ZNF736: variants seen among roughly 807,000 people sequenced by gnomAD.
The protein encoded by ZNF736 is KRAB-containing zinc-finger repressor protein.
In ZNF736, 6 loss-of-function variants were observed where a neutral mutation model predicts 11.7. The ratio of observed to expected loss-of-function variants is 0.51; its 90% CI spans 0.28 to 1.01. The LOEUF is 1.01. Ranked by LOEUF, ZNF736 falls within the 50% of genes least tolerant of loss-of-function variation. The pLI is 0.09. For synonymous variants in ZNF736, 139 were observed against 164.7 expected (o/e 0.84, Z 1.19); for missense variants, 444 against 496.0 (o/e 0.90, Z 1.00).
chr7:64,340,132 A>G (rs118170951), intron 3 of ZNF736, among the ~76,000 whole-genome samples: 8 of 152,276 alleles, frequency 5.3e-5, no homozygotes, highest in Non-Finnish European at 1.2e-4. Flanking sequence ...TACGGCTGGT[A>G]TATGGTGTGC....
rs369652072 is a variant in ZNF736 at position 64,314,722 on chromosome 7, G to A, written c.3+569G>A. Among the ~76,000 whole-genome samples the A allele has an allele frequency of 3.3e-5, 5 of 152,140 alleles. No individual in the cohort carries two copies. The East Asian group carries it at 7.8e-4, about 24-fold the overall frequency. ...TAGGACTAGAGGGGTGCGCCACCACGCCTATTTTGTTTTGTTTGTTTTTGT... is the reference window on the plus strand; with the variant it reads ...TAGGACTAGAGGGGTGCGCCACCACACCTATTTTGTTTTGTTTGTTTTTGT... On this transcript the variant is annotated intron_variant, in intron 1 of 3. Transcript: ENST00000423484.
At chr7:64,330,783 G>T (rs1241550890) in intron 1 of ZNF736, among the ~76,000 whole-genome samples, 4 of 151,162 alleles carry the variant, frequency 2.6e-5, no homozygotes, top group Non-Finnish European at 5.9e-5. Flanking sequence ...GCCAGAACTG[G>T]TACCTTCCCT....
rs1277217759 is a variant in ZNF736, at chr7:64,352,988, G to A, written c.*3841G>A. On this transcript the variant is annotated 3_prime_UTR_variant, in exon 4 of 4. Coordinates refer to ENST00000423484, the MANE Select transcript of ZNF736 (RefSeq NM_001170905.3). ...CCTCTTTCCTATGGGTATGTTCAGG[G>A]GTGTAACCTGCTTTGCTCGAGTTGC... 1 of 152,380 alleles carries A rather than the reference G, an allele frequency of 6.6e-6. No homozygotes were observed. The allele number at this position is 152,380 out of a possible 1,614,324, so 9.4% of individuals were successfully genotyped here.
chr7:64,330,257 C>G (rs368482471), intron 1 of ZNF736, among the ~76,000 whole-genome samples: 2 of 152,124 alleles, frequency 1.3e-5, no homozygotes, highest in Admixed American at 1.3e-4. Context: ...CCCGGGTTCC[C>G]GCCATTCTCC....
intron 3 of ZNF736, among the ~76,000 whole-genome samples, chr7:64,344,150 A>C (rs907365883): frequency 2.0e-5 from 3 of 152,054 alleles, no homozygotes; most frequent in Non-Finnish European, 2.9e-5. Context: ...TAAAAATATA[A>C]AATTAGCCAA....
Position 64,348,988 on chromosome 7 carries a change from CA to C in ZNF736, c.1129del (p.Thr377ProfsTer8). 6.3e-7 allele frequency: 1 copy of C among 1,589,876 alleles called. No individual in the cohort carries two copies. The highest frequency in any genetic ancestry group is 8.6e-7 in the Non-Finnish European group (1 of 1,167,508). On this transcript the variant is annotated frameshift_variant, in exon 4 of 4. Transcript: ENST00000423484. LOFTEE classifies it low-confidence loss of function (END_TRUNC). ...ERPYKCEECS[K>X]TFKCFSDLTN... ...GACCTTACAAATGTGAAGAATGCAGCAAAACCTTTAAGTGCTTCTCAGACCT... is the reference window on the plus strand; with the variant it reads ...GACCTTACAAATGTGAAGAATGCAGCAAACCTTTAAGTGCTTCTCAGACCT...
At position 64,355,257 on chromosome 7, in the gene ZNF736, G is replaced by A. The variant is rs1363411558; in HGVS notation, c.*6110G>A. The A allele has an allele frequency of 2.9e-5, 5 of 171,476 alleles. No individual in the cohort carries two copies. Among genetic ancestry groups the A allele is most frequent in the South Asian group, 3.4e-4 (2 of 5,826 alleles). The allele number at this position is 171,476 out of a possible 1,614,324, so 10.6% of individuals were successfully genotyped here. A position where few individuals can be genotyped will look rare whatever the true frequency, so the allele number is the denominator to read the frequency against. ...GTTAAGAGTATGCACCACAGGTATC[G>A]AAACCTAAAATGCCCTGAACTCTTT... On this transcript the variant is annotated 3_prime_UTR_variant, in exon 4 of 4. Coordinates refer to ENST00000423484, the MANE Select transcript of ZNF736 (RefSeq NM_001170905.3).
At chr7:64,343,376 A>G (rs1405769611) in intron 3 of ZNF736, among the ~76,000 whole-genome samples, 1 of 152,230 alleles carries the variant, frequency 6.6e-6, no homozygotes, top group Non-Finnish European at 1.5e-5. Context: ...ACAAGGATAT[A>G]AAAATGAAAA....
At chr7:64,343,351 C>G (rs930503546) in intron 3 of ZNF736, among the ~76,000 whole-genome samples, 2 of 152,018 alleles carry the variant, frequency 1.3e-5, no homozygotes, top group African/African-American at 4.8e-5. Flanking sequence ...CAAGTGAGAG[C>G]TAAATATTGA....
In ZNF736 at chr7:64,349,053, A is replaced by G. The variant is rs754129331; in HGVS notation, c.1190A>G (p.Tyr397Cys). The G allele has an allele frequency of 2.4e-5, 38 of 1,606,326 alleles. No individual in the cohort carries two copies. Among genetic ancestry groups the G allele is most frequent in the Non-Finnish European group, 2.8e-5 (33 of 1,175,938 alleles). ...HKRIHTGEKP[Y>C]KCEECGKASS... ...AGAATTCACACTGGAGAGAAACCCT[A>G]CAAATGTGAAGAATGTGGCAAAGCA... Residue 397 changes from tyrosine to cysteine, a missense_variant, in exon 4 of 4, where the codon TAC becomes TGC. Coordinates refer to ENST00000423484, the MANE Select transcript of ZNF736 (RefSeq NM_001170905.3).
rs1267760503 is a variant in ZNF736 at position 64,350,455 on chromosome 7, A to G, written c.*1308A>G. The G allele has an allele frequency of 6.6e-6, 1 of 151,944 alleles. No individual in the cohort carries two copies. Among genetic ancestry groups the G allele is most frequent in the Admixed American group, 6.6e-5 (1 of 15,254 alleles). The allele number at this position is 151,944 out of a possible 1,614,324, so 9.4% of individuals were successfully genotyped here. On this transcript the variant is annotated 3_prime_UTR_variant, in exon 4 of 4. Transcript: ENST00000423484. Reference sequence around the variant, plus strand: ...GCTGTTTTTTCCGTCAGTTCCTGCAATTTTTTTTCCTCCCTTGCATTGGGT... The same window carrying G: ...GCTGTTTTTTCCGTCAGTTCCTGCAGTTTTTTTTCCTCCCTTGCATTGGGT...
intron 3 of ZNF736, among the ~76,000 whole-genome samples, chr7:64,337,758 T>TG (rs1562673592): frequency 7.3e-6 from 1 of 136,976 alleles, no homozygotes; most frequent in East Asian, 2.0e-4. Flanking sequence ...TTTTTTTGGT[T>TG]TTTTTTTTTT....
At chr7:64,337,689 T>G (rs184948072) in intron 3 of ZNF736, among the ~76,000 whole-genome samples, 2 of 152,216 alleles carry the variant, frequency 1.3e-5, no homozygotes, top group East Asian at 3.9e-4. Flanking sequence ...TTAAATATAC[T>G]ATGTCATTGG....
rs952836737 is a variant in ZNF736 at position 64,345,086 on chromosome 7, C to T, written c.227-3004C>T. 9.2e-5 allele frequency among the ~76,000 whole-genome samples: 14 copies of T among 151,480 alleles called. 1 individual carries two copies. The highest frequency in any genetic ancestry group is 2.2e-4 in the African/African-American group (9 of 41,340). On this transcript the variant is annotated intron_variant, in intron 3 of 3. Transcript: ENST00000423484. ...TCACCCAGGCTGGAGTGCAGTGGCG[C>T]GATCTCGGCTCACTGCAAGCTCTGC...
At chr7:64,335,298 A>T (rs1319871861) in intron 1 of ZNF736, among the ~76,000 whole-genome samples, 2 of 145,848 alleles carry the variant, frequency 1.4e-5, no homozygotes, top group Non-Finnish European at 3.0e-5. Context: ...CTTAAAGTTT[A>T]AAAAAAAAAA....
chr7:64,350,632 T>C lies in ZNF736; in HGVS notation c.*1485T>C, dbSNP rs184437461. ...TGTGTTTTTATCTTTGCACTGATTG[T>C]GTCTTATCTTTGTGGGCATATCTTT... On this transcript the variant is annotated 3_prime_UTR_variant, in exon 4 of 4. Transcript: ENST00000423484. 6 of 152,280 alleles carry C rather than the reference T, an allele frequency of 3.9e-5. No individual in the cohort carries two copies. In the East Asian group the frequency reaches 1.2e-3, roughly 29 times the overall value. 9.4% of individuals were successfully genotyped at this position (152,280 alleles called of 1,614,324 possible).
intron 1 of ZNF736, among the ~76,000 whole-genome samples, chr7:64,335,275 A>G (rs1423740374): frequency 1.3e-5 from 2 of 152,134 alleles, no homozygotes; most frequent in African/African-American, 4.8e-5. Context: ...AAACCTGCAC[A>G]TGTATCCCAG....
At chr7:64,340,777 G>C (rs1413884677) in intron 3 of ZNF736, among the ~76,000 whole-genome samples, 1 of 152,078 alleles carries the variant, frequency 6.6e-6, no homozygotes, top group Non-Finnish European at 1.5e-5. Context: ...CTTACCTTTG[G>C]TTCATGTTAG....
chr7:64,321,532 A>G (rs1315515452), intron 1 of ZNF736, among the ~76,000 whole-genome samples: 1 of 152,242 alleles, frequency 6.6e-6, no homozygotes, highest in Non-Finnish European at 1.5e-5. Context: ...GCAGTTAAAA[A>G]TATTGAAATT....
Sources: allele counts gnomAD v4.1 joint callset (sites outside exome capture counted in the v4.1 genomes callset), GRCh38; gene constraint gnomAD v4.1.1; transcripts MANE v1.5; gene names NCBI Gene and HGNC (gene_info 2026-07-23, HGNC 2026-07-21).